The following NADSYN1 variants were observed in gnomAD, a reference collection of about 807,000 sequenced individuals.
NADSYN1 encodes glutamine-dependent NAD(+) synthetase.
NADSYN1 carries 80 observed loss-of-function variants against 99.3 expected under a neutral mutation model. That is an observed-to-expected ratio of 0.81 (90% CI 0.67 to 0.97). NADSYN1 has a LOEUF of 0.97. NADSYN1 is among the 50% of genes least tolerant of loss of function. The probability of loss-of-function intolerance (pLI) is 0.00; values close to 1 mark genes in which losing one functional copy is unlikely to be tolerated. For missense variants in NADSYN1, 859 were observed against 948.5 expected, an observed-to-expected ratio of 0.91 and a Z score of 1.24; for synonymous variants, 385 against 372.1, an observed-to-expected ratio of 1.03 and a Z score of -0.40.
In NADSYN1 at chr11:71,495,761, C is replaced by T. The variant is rs1197957440; in HGVS notation, c.1765-1722C>T. On this transcript the variant is annotated intron_variant, in intron 18 of 20. Coordinates refer to ENST00000319023, the MANE Select transcript of NADSYN1 (RefSeq NM_018161.5). ...GGGACCCTGTGGTGAGCAACACAGA[C>T]GTGGCCACTGCAGTGAAAACACTTA... Among the ~76,000 whole-genome samples, 10 of 152,234 alleles carry T rather than the reference C, an allele frequency of 6.6e-5. No homozygotes were observed. In the East Asian group the frequency reaches 9.6e-4, roughly 15 times the overall value.
chr11:71,485,778 T>C lies in NADSYN1; in HGVS notation c.1562+130T>C, dbSNP rs1949738534. The C allele has an allele frequency of 4.4e-6, 3 of 681,622 alleles. No individual in the cohort carries two copies. The South Asian group carries it at 6.3e-5, about 14-fold the overall frequency. The allele number at this position is 681,622 out of a possible 1,614,324, so 42.2% of individuals were successfully genotyped here. A position where few individuals can be genotyped will look rare whatever the true frequency, so the allele number is the denominator to read the frequency against. On this transcript the variant is annotated intron_variant, in intron 16 of 20. Coordinates refer to ENST00000319023, the MANE Select transcript of NADSYN1 (RefSeq NM_018161.5). ...TTGGTGCCTGGAATGACATCATTCC[T>C]CTAGAATTTCACCCAACCCGAGTGG...
At chr11:71,468,833 G>C (rs1949609839) in intron 5 of NADSYN1, among the ~76,000 whole-genome samples, 1 of 152,184 alleles carries the variant, frequency 6.6e-6, no homozygotes, top group Admixed American at 6.5e-5. Context: ...TCATTTACCA[G>C]CAACATTCAG....
chr11:71,482,915 G>A lies in NADSYN1; in HGVS notation c.1217G>A (p.Arg406Gln). 18 of 1,613,198 alleles carry A rather than the reference G, an allele frequency of 1.1e-5. No homozygotes were observed. The highest frequency in any genetic ancestry group is 1.4e-5 in the Non-Finnish European group (17 of 1,179,624). ...NQISYTPQDP[R>Q]DLCGRILTTC... is the part of the protein sequence containing the mutation. ...ATCAGCTACACCCCCCAGGATCCCC[G>A]AGACCTCTGTGGACGCATACTGACC... The change falls in exon 14 of 21, where the codon CGA becomes CAA. Residue 406 changes from arginine to glutamine, a missense_variant. Transcript: ENST00000319023.
chr11:71,490,035 C>G (rs1283071303), intron 16 of NADSYN1, among the ~76,000 whole-genome samples: 1 of 152,146 alleles, frequency 6.6e-6, no homozygotes, highest in African/African-American at 2.4e-5. Context: ...CAACAACACA[C>G]ATTTATGGTC....
At chr11:71,500,732 G>A (rs1949851606) in intron 20 of NADSYN1, among the ~76,000 whole-genome samples, 1 of 152,190 alleles carries the variant, frequency 6.6e-6, no homozygotes, top group African/African-American at 2.4e-5. Flanking sequence ...CTGGAAAGCT[G>A]GGACTCAGGC....
rs183220382 is a variant in NADSYN1, at chr11:71,491,259, G to A, written c.1694+283G>A. On this transcript the variant is annotated intron_variant, in intron 17 of 20. Coordinates refer to ENST00000319023, the MANE Select transcript of NADSYN1 (RefSeq NM_018161.5). ...TCCCCATGCCGATGCTTGGCAGGCCGAGGCTCGCCACATCTGAGCAGAGCG... is the reference window on the plus strand; with the variant it reads ...TCCCCATGCCGATGCTTGGCAGGCCAAGGCTCGCCACATCTGAGCAGAGCG... 5.3e-4 allele frequency among the ~76,000 whole-genome samples: 80 copies of A among 152,366 alleles called. No homozygotes were observed. In the East Asian group the frequency reaches 0.015, roughly 28 times the overall value.
At position 71,453,353 on chromosome 11, in the gene NADSYN1, C is replaced by A. The variant is rs1389571386; in HGVS notation, c.57C>A (p.Phe19Leu). The change falls in exon 1 of 21, where the codon TTC becomes TTA. Residue 19 changes from phenylalanine (F) to leucine (L), a missense_variant. Physicochemically the swap from Phe to Leu is conservative, Grantham distance 22. Coordinates refer to ENST00000319023, the MANE Select transcript of NADSYN1 (RefSeq NM_018161.5). ...TCALNQWALD[F>L]EGNLQRILKS... ...CACTCAACCAGTGGGCCCTGGACTT[C>A]GAGGGCAATTTGCAAAGAATTTTAA... The A allele has an allele frequency of 1.2e-6, 2 of 1,613,706 alleles. No individual in the cohort carries two copies. Among genetic ancestry groups the A allele is most frequent in the African/African-American group, 2.7e-5 (2 of 74,916 alleles).
At chr11:71,499,309 G>C (rs1390225755) in intron 20 of NADSYN1, 1 of 152,234 alleles carries the variant, frequency 6.6e-6, no homozygotes, top group Non-Finnish European at 1.5e-5. Context: ...ACCCGGTAAT[G>C]GGGTGGCTGG....
chr11:71,472,819 G>A (rs535036372), intron 6 of NADSYN1, among the ~76,000 whole-genome samples: 5 of 152,366 alleles, frequency 3.3e-5, no homozygotes, highest in Middle Eastern at 3.4e-3. Context: ...TGACATTTAA[G>A]TGTTATCTAG....
intron 17 of NADSYN1, 106 bp downstream of exon 17, chr11:71,491,082 T>C (rs1949775780): frequency 3.4e-6 from 5 of 1,467,200 alleles, no homozygotes; most frequent in Non-Finnish European, 4.6e-6. Flanking sequence ...TCCTGTTGCC[T>C]GCTGAATGGT....
At chr11:71,472,539 G>A in intron 6 of NADSYN1, 39 bp downstream of exon 6, 3 of 1,583,190 alleles carry the variant, frequency 1.9e-6, no homozygotes, top group Non-Finnish European at 2.6e-6. Flanking sequence ...TCAGTCGGTT[G>A]TCGCTGTTCT....
chr11:71,482,873 G>A lies in NADSYN1; in HGVS notation c.1175G>A (p.Arg392His), dbSNP rs762179995. 191 of 1,612,638 alleles carry A rather than the reference G, an allele frequency of 1.2e-4. No homozygotes were observed. The highest frequency in any genetic ancestry group is 8.2e-4 in the East Asian group (37 of 44,892). ...GATGAGGAAGTGCTGGCTGATGTCC[G>A]CACCATCGTGAACCAGATCAGCTAC... ...SGNEEVLADV[R>H]TIVNQISYTP... Residue 392 changes from arginine (R) to histidine (H), a missense_variant, in exon 14 of 21, where the codon CGC becomes CAC. Arg to His is a conservative substitution (Grantham distance 29). Transcript: ENST00000319023.
rs183862308 is a variant in NADSYN1 at position 71,475,077 on chromosome 11, G to A, written c.798+551G>A. ...TGGCCCCTGCGGGTGGGTGTCGTTG[G>A]TTTGTTTGAATTCCGAGGGCTGGCA... On this transcript the variant is annotated intron_variant, in intron 9 of 20. Coordinates refer to ENST00000319023, the MANE Select transcript of NADSYN1 (RefSeq NM_018161.5). The A allele has an allele frequency of 6.9e-4, 115 of 165,820 alleles. 1 individual carries two copies. Among genetic ancestry groups the A allele is most frequent in the African/African-American group, 2.6e-3 (111 of 41,976 alleles). The allele number at this position is 165,820 out of a possible 1,614,324, so 10.3% of individuals were successfully genotyped here.
rs1447846504 is a variant in NADSYN1 at position 71,477,145 on chromosome 11, G to C, written c.799-1250G>C. 9 of 1,139,908 alleles carry C rather than the reference G, an allele frequency of 7.9e-6. No homozygotes were observed. The African/African-American group carries it at 1.3e-4, about 17-fold the overall frequency. 70.6% of individuals were successfully genotyped at this position (1,139,908 alleles called of 1,614,324 possible). A position where few individuals can be genotyped will look rare whatever the true frequency, so the allele number is the denominator to read the frequency against. On this transcript the variant is annotated intron_variant, in intron 9 of 20. Coordinates refer to ENST00000319023, the MANE Select transcript of NADSYN1 (RefSeq NM_018161.5). ...ACAGACCTGCCGATCACCCCCGTCGGGCCCGCGTTTCTCAGGGTCTTCCTA... is the reference window on the plus strand; with the variant it reads ...ACAGACCTGCCGATCACCCCCGTCGCGCCCGCGTTTCTCAGGGTCTTCCTA...
intron 16 of NADSYN1, among the ~76,000 whole-genome samples, chr11:71,486,998 G>A (rs1243865577): frequency 1.3e-5 from 2 of 151,936 alleles, no homozygotes; most frequent in Admixed American, 1.3e-4. Context: ...AGTAGAGACG[G>A]TGTTTCACCG....
At chr11:71,501,136 G>C (rs570353513) in intron 20 of NADSYN1, among the ~76,000 whole-genome samples, 166 bp from the exon 21 acceptor site, 2 of 152,224 alleles carry the variant, frequency 1.3e-5, no homozygotes, top group African/African-American at 4.8e-5. Context: ...ATCTGGACCC[G>C]CCCCTCCAGG....
intron 2 of NADSYN1, among the ~76,000 whole-genome samples, chr11:71,456,787 C>T (rs1050225137): frequency 3.3e-5 from 5 of 152,228 alleles, no homozygotes; most frequent in African/African-American, 7.2e-5. Context: ...AGCTTACAAC[C>T]TGCTGAGCAG....
intron 15 of NADSYN1, 79 bp downstream of exon 15, chr11:71,484,526 G>A (rs1490468026): frequency 9.3e-6 from 14 of 1,501,672 alleles, no homozygotes; most frequent in Non-Finnish European, 1.2e-5. Context: ...ATGTGCAGGT[G>A]CCCCCACCTG....
At position 71,490,539 on chromosome 11, in the gene NADSYN1, C is replaced by T. The variant is rs1393719265; in HGVS notation, c.1563-306C>T. On this transcript the variant is annotated intron_variant, in intron 16 of 20. Coordinates refer to ENST00000319023, the MANE Select transcript of NADSYN1 (RefSeq NM_018161.5). Reference sequence around the variant, plus strand: ...AGTGTCCACGTGTGTCCAGTCCCTGCTCACTCCCGACACCCCAAGACCTCT... The same window carrying T: ...AGTGTCCACGTGTGTCCAGTCCCTGTTCACTCCCGACACCCCAAGACCTCT... Among the ~76,000 whole-genome samples, 3 of 152,300 alleles carry T rather than the reference C, an allele frequency of 2.0e-5. No homozygotes were observed. In the East Asian group the frequency reaches 5.8e-4, roughly 29 times the overall value.
Sources: gnomAD v4.1 joint callset for allele counts (sites outside exome capture counted in the v4.1 genomes callset) on GRCh38, gnomAD v4.1.1 for gene constraint, MANE v1.5 for transcripts, NCBI Gene and HGNC (gene_info 2026-07-23, HGNC 2026-07-21) for gene names.